The following ANKRD27 variants were observed in gnomAD, a reference collection of about 807,000 sequenced individuals.
The protein encoded by ANKRD27 is ankyrin repeat domain 27, also known as ankyrin repeat domain-containing protein 27.
In ANKRD27, 112 loss-of-function variants were observed where a neutral mutation model predicts 129.7. The observed-to-expected ratio is 0.86, with a 90% CI of 0.74 to 1.01. The LOEUF (loss-of-function observed/expected upper bound fraction) is 1.01, where lower values mean the gene tolerates loss of function less well. Ranked by LOEUF, ANKRD27 falls within the 50% of genes least tolerant of loss-of-function variation. The pLI is 0.00. For synonymous variants in ANKRD27, 516 were observed against 511.2 expected (o/e 1.01, Z -0.13); for missense variants, 1,258 against 1,300.5 (o/e 0.97, Z 0.50).
intron 22 of ANKRD27, 132 bp from the exon 23 acceptor site, chr19:32,607,964 C>T (rs2903755): frequency 0.64 from 577,959 of 903,238 alleles, 190,157 homozygotes; most frequent in Non-Finnish European, 0.69. Flanking sequence ...GGATGGATTC[C>T]AATTTGTTTA....
At chr19:32,648,206 C>T in intron 3 of ANKRD27, among the ~76,000 whole-genome samples, 1 of 151,776 alleles carries the variant, frequency 6.6e-6, no homozygotes, top group Non-Finnish European at 1.5e-5. Context: ...GCGCAGGTTG[C>T]AGTGAGCTGA....
intron 4 of ANKRD27, among the ~76,000 whole-genome samples, chr19:32,645,039 T>C (rs933397901): frequency 6.6e-6 from 1 of 152,226 alleles, no homozygotes; most frequent in African/African-American, 2.4e-5. Context: ...TTTAAAGTTC[T>C]AGTAGGAACC....
At position 32,598,205 on chromosome 19, in the gene ANKRD27, C is replaced by T. The variant is rs1971598063; in HGVS notation, c.3093G>A (p.Gln1031=). 6.2e-7 allele frequency: 1 copy of T among 1,614,166 alleles called. No individual in the cohort carries two copies. Among genetic ancestry groups the T allele is most frequent in the Non-Finnish European group, 8.5e-7 (1 of 1,180,036 alleles). The part of the protein sequence containing the change: ...RHTVEDAVVS[Q]GPEAAGPLST... ...AGAGGGGGCCAGCAGCCTCCGGGCC[C>T]TGGGACACGACCGCATCCTCTACCG... The change falls in exon 29 of 29, where the codon CAG becomes CAA. Residue 1031 remains glutamine, a synonymous_variant. Coordinates refer to ENST00000306065, the MANE Select transcript of ANKRD27 (RefSeq NM_032139.3).
chr19:32,627,817 C>T (rs1182431478), intron 15 of ANKRD27, among the ~76,000 whole-genome samples: 1 of 152,264 alleles, frequency 6.6e-6, no homozygotes, highest in Non-Finnish European at 1.5e-5. Context: ...TTGCTGGGCC[C>T]CCAGCCTGCG....
intron 12 of ANKRD27, chr19:32,638,963 G>A: frequency 3.0e-6 from 1 of 333,680 alleles, no homozygotes; most frequent in Non-Finnish European, 5.4e-6. Context: ...ACAAAACTCA[G>A]GCAAAGGAGC....
intron 25 of ANKRD27, among the ~76,000 whole-genome samples, chr19:32,603,592 G>A (rs1256028840): frequency 6.6e-6 from 1 of 152,206 alleles, no homozygotes; most frequent in African/African-American, 2.4e-5. Flanking sequence ...AGGCTGGAGT[G>A]CAGTGGCACA....
chr19:32,614,836 T>TA (rs1971889562), intron 22 of ANKRD27, among the ~76,000 whole-genome samples: 1 of 151,986 alleles, frequency 6.6e-6, no homozygotes, highest in Admixed American at 6.6e-5. Context: ...CAAGCAGAAC[T>TA]GGGGAAATCT....
chr19:32,619,551 A>T lies in ANKRD27; in HGVS notation c.1830T>A (p.Ile610=). 6.2e-7 allele frequency: 1 copy of T among 1,614,032 alleles called. No homozygotes were observed. The highest frequency in any genetic ancestry group is 1.7e-5 in the Admixed American group (1 of 60,010). ...TPLKCALNSK[I]LSVMEAYHLS... Reference sequence around the variant, plus strand: ...GGTGATAGGCTTCCATTACAGACAGAATCTAGGGGGACAAGGGGGATGCCA... The same window carrying T: ...GGTGATAGGCTTCCATTACAGACAGTATCTAGGGGGACAAGGGGGATGCCA... Residue 610 remains isoleucine (I), a splice_region_variant and synonymous_variant, in exon 19 of 29, where the codon ATT becomes ATA. Coordinates refer to ENST00000306065, the MANE Select transcript of ANKRD27 (RefSeq NM_032139.3).
chr19:32,649,562 T>C, intron 3 of ANKRD27, 120 bp downstream of exon 3: 1 of 746,560 alleles, frequency 1.3e-6, no homozygotes, highest in Non-Finnish European at 2.4e-6. Flanking sequence ...GGGGCTGCAG[T>C]GTGTGTCAAA....
rs747463258 is a variant in ANKRD27, at chr19:32,644,385, G to A, written c.465C>T (p.Asn155=). Residue 155 remains asparagine (N), a synonymous_variant, in exon 5 of 29, where the codon AAC becomes AAT. Transcript: ENST00000306065. ...GGAATGTTCGATGGAAAGAGGCGAT[G>A]TTCCTGTCAAATCGCTCGGAGTGTC... ...LGRHSERFDR[N]IASFHRTFRE... 1 of 1,614,072 alleles carries A rather than the reference G, an allele frequency of 6.2e-7. No individual in the cohort carries two copies. The highest frequency in any genetic ancestry group is 1.7e-4 in the Middle Eastern group (1 of 6,028).
Position 32,612,982 on chromosome 19 carries a change from T to A in ANKRD27, c.2175+2676A>T, listed in dbSNP as rs1039040205. ...ACCTTTTTCTCTGTGAAAGCCCATGTGAGGAAATTATAGACAAGCTACAGA... is the reference window on the plus strand; with the variant it reads ...ACCTTTTTCTCTGTGAAAGCCCATGAGAGGAAATTATAGACAAGCTACAGA... On this transcript the variant is annotated intron_variant, in intron 22 of 28. Coordinates refer to ENST00000306065, the MANE Select transcript of ANKRD27 (RefSeq NM_032139.3). Among the ~76,000 whole-genome samples, 46 of 152,264 alleles carry A rather than the reference T, an allele frequency of 3.0e-4. 1 individual carries two copies. Among genetic ancestry groups the A allele is most frequent in the Admixed American group, 2.9e-3 (45 of 15,274 alleles).
At chr19:32,645,011 C>A (rs906805757) in intron 4 of ANKRD27, among the ~76,000 whole-genome samples, 8 of 152,204 alleles carry the variant, frequency 5.3e-5, no homozygotes, top group African/African-American at 1.9e-4. Flanking sequence ...CCGATCCACA[C>A]CTCCTTAGCC....
chr19:32,660,625 CA>C (rs1301083671), intron 1 of ANKRD27, among the ~76,000 whole-genome samples: 1 of 152,172 alleles, frequency 6.6e-6, no homozygotes, highest in Non-Finnish European at 1.5e-5. Context: ...CCCAGACATC[CA>C]ACCTGCAGGA....
At chr19:32,617,300 T>C (rs1007737403) in intron 21 of ANKRD27, among the ~76,000 whole-genome samples, 1 of 151,996 alleles carries the variant, frequency 6.6e-6, no homozygotes, top group Non-Finnish European at 1.5e-5. Flanking sequence ...TCCAAGTACT[T>C]TGGGAGGCCA....
intron 20 of ANKRD27, among the ~76,000 whole-genome samples, chr19:32,618,451 GAAAAAAAAAA>G (rs55674756): frequency 2.0e-5 from 2 of 100,322 alleles, no homozygotes; most frequent in African/African-American, 3.9e-5. Context: ...GTCCCAAAAA[GAAAAAAAAAA>G]AAAAAAAAAA....
intron 23 of ANKRD27, among the ~76,000 whole-genome samples, chr19:32,606,454 G>A (rs759572389): frequency 3.9e-5 from 6 of 152,088 alleles, no homozygotes; most frequent in African/African-American, 9.7e-5. Context: ...ACGCCCAGCC[G>A]TCTCTGAGCT....
intron 1 of ANKRD27, among the ~76,000 whole-genome samples, chr19:32,659,793 C>T (rs1026553192): frequency 6.6e-6 from 1 of 152,042 alleles, no homozygotes; most frequent in Non-Finnish European, 1.5e-5. Context: ...GCCTGTCATC[C>T]CAGCACTTTG....
intron 18 of ANKRD27, among the ~76,000 whole-genome samples, chr19:32,620,704 T>C (rs908782444): frequency 5.3e-5 from 8 of 151,890 alleles, no homozygotes; most frequent in Non-Finnish European, 1.0e-4. Flanking sequence ...CTGGCCAACA[T>C]GGTGAAACTC....
chr19:32,631,512 AAC>A lies in ANKRD27; in HGVS notation c.1117-20_1117-19del. On this transcript the variant is annotated intron_variant, in intron 12 of 28. Transcript: ENST00000306065. ...TCAGACTCCTGCAGGGAAAAAACCA[AAC>A]ACACCACGAGATGTCAGTGCAGATC... The A allele has an allele frequency of 6.2e-7, 1 of 1,605,158 alleles. No homozygotes were observed. The highest frequency in any genetic ancestry group is 8.5e-7 in the Non-Finnish European group (1 of 1,172,774).
Sources: allele counts gnomAD v4.1 joint callset (sites outside exome capture counted in the v4.1 genomes callset), GRCh38; gene constraint gnomAD v4.1.1; transcripts MANE v1.5; gene names NCBI Gene and HGNC (gene_info 2026-07-23, HGNC 2026-07-21).